PTPRG: variants seen among roughly 807,000 people sequenced by gnomAD.
The protein encoded by PTPRG is protein tyrosine phosphatase receptor type G.
A neutral mutation model predicts 165.3 loss-of-function variants in PTPRG; 102 were observed. That is an observed-to-expected ratio of 0.62 (90% CI 0.53 to 0.73). The LOEUF is 0.73. PTPRG is among the 30% of genes least tolerant of loss of function. The pLI, the probability that PTPRG is intolerant of heterozygous loss-of-function variation, is 0.00. For missense variants in PTPRG, 1,866 were observed against 1,861.4 expected, an observed-to-expected ratio of 1.00 and a Z score of -0.05; for synonymous variants, 675 against 669.5, an observed-to-expected ratio of 1.01 and a Z score of -0.13.
At position 62,203,798 on chromosome 3, in the gene PTPRG, C is replaced by G; in HGVS notation, c.2003C>G (p.Pro668Arg). ...AGGGATGCCGGCCCAGGCCTGGACC[C>G]CGACATGGTCACCTCCACCCAAGTG... ...GRRDAGPGLDPDMVTSTQVPP... is the reference protein window; with the variant it reads ...GRRDAGPGLDRDMVTSTQVPP... Residue 668 changes from proline to arginine, a missense_variant, in exon 12 of 30, where the codon CCC becomes CGC. By Grantham distance (103) the Pro-to-Arg change is moderately radical. Transcript: ENST00000474889. This position sits in a 1 kb window ranked among gnomAD's most constrained non-coding sequence, Gnocchi z 6.4. 6.2e-7 allele frequency: 1 copy of G among 1,613,746 alleles called. No homozygotes were observed. Among genetic ancestry groups the G allele is most frequent in the Non-Finnish European group, 8.5e-7 (1 of 1,179,858 alleles).
intron 13 of PTPRG, among the ~76,000 whole-genome samples, chr3:62,220,915 C>T (rs1274717256): frequency 6.6e-6 from 1 of 152,146 alleles, no homozygotes; most frequent in Non-Finnish European, 1.5e-5. Flanking sequence ...CTGGCAAAAC[C>T]CTCCAGATTG....
chr3:61,574,419 T>G (rs1472458657), intron 1 of PTPRG, among the ~76,000 whole-genome samples: 8 of 152,238 alleles, frequency 5.3e-5, no homozygotes, highest in Non-Finnish European at 1.0e-4. Context: ...TAGAACACAT[T>G]GCTAGTCAAT....
chr3:62,071,848 G>A (rs1003467116), intron 4 of PTPRG, among the ~76,000 whole-genome samples: 7 of 152,070 alleles, frequency 4.6e-5, no homozygotes, highest in East Asian at 1.9e-4. Context: ...AGAATCGTAC[G>A]GATACCTATC....
chr3:61,924,627 C>G (rs2039161137), intron 2 of PTPRG, among the ~76,000 whole-genome samples: 1 of 152,190 alleles, frequency 6.6e-6, no homozygotes, highest in South Asian at 2.1e-4. Context: ...GCTGAAAATA[C>G]TATGGCAGTG....
intron 16 of PTPRG, among the ~76,000 whole-genome samples, chr3:62,261,595 C>CTT (rs11374967): frequency 2.4e-4 from 31 of 127,296 alleles, no homozygotes; most frequent in South Asian, 1.7e-3. Flanking sequence ...GCCTGTGGGG[C>CTT]TTTTTTTTTT....
intron 26 of PTPRG, among the ~76,000 whole-genome samples, chr3:62,279,333 T>C (rs1469679599): frequency 1.3e-5 from 2 of 152,076 alleles, no homozygotes; most frequent in South Asian, 2.1e-4. Flanking sequence ...GCAGCATTTA[T>C]TTTTCTTAGA....
intron 1 of PTPRG, among the ~76,000 whole-genome samples, chr3:61,623,695 G>A (rs1023663317): frequency 6.6e-6 from 1 of 152,198 alleles, no homozygotes; most frequent in African/African-American, 2.4e-5. Flanking sequence ...CAATGCTGTG[G>A]AGGGGATGTC....
At chr3:62,002,325 T>G (rs1246424371) in intron 3 of PTPRG, among the ~76,000 whole-genome samples, 1 of 152,190 alleles carries the variant, frequency 6.6e-6, no homozygotes, top group Admixed American at 6.5e-5. Flanking sequence ...ATAAGTACTT[T>G]CCCATGGCTT....
At chr3:62,121,977 G>A (rs1703090410) in intron 5 of PTPRG, among the ~76,000 whole-genome samples, 1 of 152,082 alleles carries the variant, frequency 6.6e-6, no homozygotes, top group Admixed American at 6.5e-5. Context: ...TTGAACTCAG[G>A]TGCATGTTAA....
chr3:62,050,861 A>G (rs1428815269), intron 4 of PTPRG, among the ~76,000 whole-genome samples: 1 of 152,172 alleles, frequency 6.6e-6, no homozygotes. Context: ...ACATCCCTCT[A>G]GGTTCAGATT....
chr3:61,667,850 T>C (rs570573464), intron 1 of PTPRG, among the ~76,000 whole-genome samples: 65 of 152,050 alleles, frequency 4.3e-4, no homozygotes, highest in African/African-American at 1.5e-3. Context: ...TTCTGCTGAT[T>C]CTAAGACTTG....
At chr3:62,244,955 T>C (rs1701257852) in intron 15 of PTPRG, among the ~76,000 whole-genome samples, 1 of 152,184 alleles carries the variant, frequency 6.6e-6, no homozygotes, top group African/African-American at 2.4e-5. Flanking sequence ...TGTTTGCAGA[T>C]TGTCACTACG....
At chr3:61,854,335 A>T (rs1318422916) in intron 2 of PTPRG, among the ~76,000 whole-genome samples, 1 of 152,156 alleles carries the variant, frequency 6.6e-6, no homozygotes, top group Non-Finnish European at 1.5e-5. Flanking sequence ...TCGGTTTCTT[A>T]TCTGTAAAAT....
chr3:61,993,597 C>A lies in PTPRG; in HGVS notation c.370+3793C>A, dbSNP rs570269124. On this transcript the variant is annotated intron_variant, in intron 3 of 29. Transcript: ENST00000474889. ...CATGGTATCTGTGCATTATTTCTTA[C>A]AACTGCATGTGAATCTGCTATTCTG... Among the ~76,000 whole-genome samples the A allele has an allele frequency of 3.3e-5, 5 of 152,234 alleles. No homozygotes were observed. In the East Asian group the frequency reaches 5.8e-4, roughly 18 times the overall value.
Position 61,738,299 on chromosome 3 carries a change from T to C in PTPRG, c.86-10579T>C, listed in dbSNP as rs1559583308. ...ATATACATATATATATATATATATA[T>C]ATATATATATATACATATATATATA... On this transcript the variant is annotated intron_variant, in intron 1 of 29. Coordinates refer to ENST00000474889, the MANE Select transcript of PTPRG (RefSeq NM_002841.4). Among the ~76,000 whole-genome samples the C allele has an allele frequency of 3.4e-5, 3 of 87,356 alleles. 1 individual carries two copies. Among genetic ancestry groups the C allele is most frequent in the South Asian group, 8.3e-4 (2 of 2,414 alleles). The allele number at this position is 87,356 out of a possible 152,430, so 57.3% of individuals were successfully genotyped here. A position where few individuals can be genotyped will look rare whatever the true frequency, so the allele number is the denominator to read the frequency against.
At chr3:61,627,717 T>C (rs1218596760) in intron 1 of PTPRG, among the ~76,000 whole-genome samples, 1 of 152,214 alleles carries the variant, frequency 6.6e-6, no homozygotes, top group Non-Finnish European at 1.5e-5. Flanking sequence ...TTGTAGGAAT[T>C]AGCAGGTGTT....
chr3:61,632,946 GTTTCCAGAATTTATGAAACTTT>G (rs1477712607), intron 1 of PTPRG, among the ~76,000 whole-genome samples: 1 of 152,184 alleles, frequency 6.6e-6, no homozygotes, highest in African/African-American at 2.4e-5. Flanking sequence ...CATGCCGGCT[GTTTCCAGAATTTATGAAACTTT>G]TTTCCACCCC....
chr3:61,671,395 C>T (rs1230402859), intron 1 of PTPRG, among the ~76,000 whole-genome samples: 2 of 151,782 alleles, frequency 1.3e-5, no homozygotes, highest in Admixed American at 6.6e-5. Context: ...TCTTGCACCG[C>T]CCTTAATCCA....
At chr3:61,871,956 C>A (rs1396226291) in intron 2 of PTPRG, among the ~76,000 whole-genome samples, 2 of 152,190 alleles carry the variant, frequency 1.3e-5, no homozygotes, top group African/African-American at 2.4e-5. Flanking sequence ...AAGCCAAGCT[C>A]AGAGCCAAAG....
Sources: allele counts gnomAD v4.1 joint callset (sites outside exome capture counted in the v4.1 genomes callset), GRCh38; gene constraint gnomAD v4.1.1; non-coding constraint Gnocchi (gnomAD v3.1); transcripts MANE v1.5; gene names NCBI Gene and HGNC (gene_info 2026-07-23, HGNC 2026-07-21).